ZFHX4: variants seen among roughly 807,000 people sequenced by gnomAD.
The protein encoded by ZFHX4 is zinc finger homeobox 4, also known as zinc finger homeobox protein 4.
In ZFHX4, 56 loss-of-function variants were observed where a neutral mutation model predicts 267.6. That is an observed-to-expected ratio of 0.21 (90% confidence interval 0.17 to 0.26). The LOEUF (loss-of-function observed/expected upper bound fraction) is 0.26, where lower values mean the gene tolerates loss of function less well. Among genes scored for constraint, ZFHX4 ranks in the 10% least tolerant of loss-of-function variants. ZFHX4 has a pLI of 1.00. For missense variants in ZFHX4, 4,332 were observed against 4,420.0 expected (o/e 0.98, Z 0.56); for synonymous variants, 1,778 against 1,665.6 (o/e 1.07, Z -1.64).
At chr8:76,703,858 A>C (rs556492372) in intron 1 of ZFHX4, among the ~76,000 whole-genome samples, 185 bp from the exon 2 acceptor site, 1 of 152,342 alleles carries the variant, frequency 6.6e-6, no homozygotes, top group East Asian at 1.9e-4. Context: ...TGTGATAGCT[A>C]TCTACATTAT....
chr8:76,706,525 C>T lies in ZFHX4; in HGVS notation c.2437C>T (p.Leu813Phe). ...KQIQHNLHLG[L>F]APAEAELYQY... Reference sequence around the variant, plus strand: ...GATCCAGCATAATCTGCACTTGGGCCTCGCCCCGGCGGAAGCAGAGCTTTA... The same window carrying T: ...GATCCAGCATAATCTGCACTTGGGCTTCGCCCCGGCGGAAGCAGAGCTTTA... Residue 813 changes from leucine to phenylalanine, a missense_variant, in exon 2 of 11, where the codon CTC (leucine) becomes TTC (phenylalanine). Around this residue, in one of 7 missense-constraint regions of ZFHX4, gnomAD observed 1,195 missense variants for 1,173.6 expected, o/e 1.02. Transcript: ENST00000651372. The T allele has an allele frequency of 1.2e-6, 2 of 1,613,596 alleles. No individual in the cohort carries two copies. Among genetic ancestry groups the T allele is most frequent in the Non-Finnish European group, 1.7e-6 (2 of 1,179,746 alleles).
In ZFHX4 at chr8:76,824,403, G is replaced by A. The variant is rs1384244991; in HGVS notation, c.3326-8935G>A. ...TTGTAGGCCTATATATTCTGAGATT[G>A]TTCGTATCTTCTCATCAAGTTTTTC... On this transcript the variant is annotated intron_variant, in intron 4 of 10. Transcript: ENST00000651372. Among the ~76,000 whole-genome samples the A allele has an allele frequency of 3.3e-5, 5 of 152,052 alleles. No individual in the cohort carries two copies. The East Asian group carries it at 9.7e-4, about 29-fold the overall frequency.
chr8:76,855,299 A>T lies in ZFHX4; in HGVS notation c.8378A>T (p.Tyr2793Phe), dbSNP rs775932696. The T allele has an allele frequency of 6.2e-7, 1 of 1,613,796 alleles. No homozygotes were observed. The highest frequency in any genetic ancestry group is 1.1e-5 in the South Asian group (1 of 91,062). ...AATGCCCCTCCTGCTGAGGCTGGGT[A>T]TGATCAAAATAAAACCGATTTTGAT... ...NLNAPPAEAG[Y>F]DQNKTDFDET... Residue 2793 changes from tyrosine to phenylalanine, a missense_variant, in exon 10 of 11, where the codon TAT (tyrosine) becomes TTT (phenylalanine). Around this residue, in one of 7 missense-constraint regions of ZFHX4, gnomAD observed 1,648 missense variants for 1,625.0 expected, o/e 1.01. Coordinates refer to ENST00000651372, the MANE Select transcript of ZFHX4 (RefSeq NM_024721.5).
chr8:76,718,141 G>A (rs1413905410), intron 3 of ZFHX4, among the ~76,000 whole-genome samples: 10 of 152,286 alleles, frequency 6.6e-5, no homozygotes, highest in African/African-American at 1.4e-4. Context: ...GAGTAACAGC[G>A]TAGGTGGTAT....
Position 76,705,462 on chromosome 8 carries a change from G to T in ZFHX4, c.1374G>T (p.Gly458=). The stretch of plus-strand genomic sequence containing the variant: ...AAAGCAACGTTTTACACCCAAACGG[G>T]GAGTGCCCTGTCAAAAGTGAACCCA... ...PKESNVLHPN[G]ECPVKSEPTE... Residue 458 remains glycine (G), a synonymous_variant, in exon 2 of 11, where the codon GGG becomes GGT. Transcript: ENST00000651372. 5 of 1,613,702 alleles carry T rather than the reference G, an allele frequency of 3.1e-6. No homozygotes were observed. The highest frequency in any genetic ancestry group is 4.2e-6 in the Non-Finnish European group (5 of 1,179,812).
chr8:76,750,133 C>T lies in ZFHX4; in HGVS notation c.3094-28075C>T, dbSNP rs149347220. ...GCTGTGTTGTTTTCAGAGATGCTGA[C>T]CTGTTAGTGATTAACCAAGATTAGG... On this transcript the variant is annotated intron_variant, in intron 3 of 10. Transcript: ENST00000651372. 3.3e-3 allele frequency among the ~76,000 whole-genome samples: 505 copies of T among 152,168 alleles called. 4 individuals carry two copies. The highest frequency in any genetic ancestry group is 0.012 in the African/African-American group (478 of 41,518).
At chr8:76,797,362 C>A (rs958761588) in intron 4 of ZFHX4, among the ~76,000 whole-genome samples, 1 of 152,076 alleles carries the variant, frequency 6.6e-6, no homozygotes, top group Non-Finnish European at 1.5e-5. Flanking sequence ...TATGTATAAC[C>A]ATAAGATCAC....
chr8:76,714,644 A>G (rs1166539954), intron 3 of ZFHX4, among the ~76,000 whole-genome samples: 3 of 152,220 alleles, frequency 2.0e-5, no homozygotes, highest in South Asian at 2.1e-4. Context: ...CAGAATACAC[A>G]GACGATATCT....
At chr8:76,758,573 C>A (rs777959218) in intron 3 of ZFHX4, among the ~76,000 whole-genome samples, 1 of 152,178 alleles carries the variant, frequency 6.6e-6, no homozygotes, top group Non-Finnish European at 1.5e-5. Flanking sequence ...CAGCTCACTG[C>A]AGCCTCGACC....
intron 3 of ZFHX4, among the ~76,000 whole-genome samples, chr8:76,757,851 C>A (rs1005124719): frequency 6.6e-6 from 1 of 152,100 alleles, no homozygotes; most frequent in Non-Finnish European, 1.5e-5. Flanking sequence ...AGTCTTAGTG[C>A]GTAGCAAGAG....
intron 3 of ZFHX4, among the ~76,000 whole-genome samples, chr8:76,757,121 A>G (rs554495806): frequency 6.6e-6 from 1 of 152,254 alleles, no homozygotes; most frequent in Admixed American, 6.5e-5. Context: ...AACTTTATTA[A>G]GTGACACTAG....
chr8:76,752,966 T>G (rs1809660564), intron 3 of ZFHX4, among the ~76,000 whole-genome samples: 1 of 152,200 alleles, frequency 6.6e-6, no homozygotes, highest in African/African-American at 2.4e-5. Context: ...TTTATTTTTG[T>G]TTTTGTGTTG....
At chr8:76,689,422 G>A (rs1253833288) in intron 1 of ZFHX4, among the ~76,000 whole-genome samples, 1 of 152,052 alleles carries the variant, frequency 6.6e-6, no homozygotes, top group Non-Finnish European at 1.5e-5. Context: ...CAGACAGAAA[G>A]CAGAATATGT....
intron 9 of ZFHX4, 89 bp from the exon 10 acceptor site, chr8:76,850,797 C>T (rs1382187798): frequency 2.2e-6 from 3 of 1,345,302 alleles, no homozygotes; most frequent in Admixed American, 3.0e-5. Context: ...AAGCAGAAGC[C>T]TTTAGAGGCT....
intron 6 of ZFHX4, among the ~76,000 whole-genome samples, chr8:76,847,245 T>TTTTTGATTCCAGAC (rs1169564788): frequency 1.3e-5 from 2 of 152,152 alleles, no homozygotes; most frequent in African/African-American, 4.8e-5. Flanking sequence ...AAACATATAT[T>TTTTTGATTCCAGAC]TTTTGATTCC....
In ZFHX4 at chr8:76,853,102, C is replaced by G; in HGVS notation, c.6181C>G (p.Pro2061Ala). 1 of 1,433,970 alleles carries G rather than the reference C, an allele frequency of 7.0e-7. No individual in the cohort carries two copies. Among genetic ancestry groups the G allele is most frequent in the Non-Finnish European group, 9.4e-7 (1 of 1,066,148 alleles). The allele number at this position is 1,433,970 out of a possible 1,614,324, so 88.8% of individuals were successfully genotyped here. A position where few individuals can be genotyped will look rare whatever the true frequency, so the allele number is the denominator to read the frequency against. The change falls in exon 10 of 11, where the codon CCT becomes GCT. Residue 2061 changes from proline to alanine, a missense_variant. Around this residue, in one of 7 missense-constraint regions of ZFHX4, gnomAD observed 1,371 missense variants for 1,423.1 expected, o/e 0.96. Transcript: ENST00000651372. The stretch of plus-strand genomic sequence containing the variant: ...TCCTCCTCCCCCCCCACCTCCTCCA[C>G]CTTCTGCTCCTCCACAGGTCCAACT... The part of the protein sequence containing the change: ...PPPPPPPPPP[P>A]SAPPQVQLPV...
At chr8:76,758,898 C>T (rs1473049708) in intron 3 of ZFHX4, among the ~76,000 whole-genome samples, 4 of 152,022 alleles carry the variant, frequency 2.6e-5, no homozygotes, top group Admixed American at 1.3e-4. Flanking sequence ...AACTGTTTTC[C>T]CCAGTCTTGA....
chr8:76,767,044 G>T (rs925677491), intron 3 of ZFHX4, among the ~76,000 whole-genome samples: 240 of 146,990 alleles, frequency 1.6e-3, no homozygotes, highest in African/African-American at 5.5e-3. Context: ...CTCATAAAGG[G>T]GTGTGTGTGT....
Position 76,863,714 on chromosome 8 carries a change from C to A in ZFHX4, c.10000C>A (p.Gln3334Lys), listed in dbSNP as rs1175238549. Reference sequence around the variant, plus strand: ...CCTGCAGGAGTCCCTGCAAAAGCAGCAAAAGCAACAGCAAGAACAGCAGCA... The same window carrying A: ...CCTGCAGGAGTCCCTGCAAAAGCAGAAAAAGCAACAGCAAGAACAGCAGCA... Reference protein sequence around the residue: ...QNLQESLQKQQKQQQEQQQKP... With the variant: ...QNLQESLQKQKKQQQEQQQKP... The change falls in exon 11 of 11, where the codon CAA (glutamine) becomes AAA (lysine). Residue 3334 changes from glutamine to lysine, a missense_variant. By Grantham distance (53) the Gln-to-Lys change is moderately conservative. Transcript: ENST00000651372. 6.4e-7 allele frequency: 1 copy of A among 1,567,318 alleles called. No homozygotes were observed. Among genetic ancestry groups the A allele is most frequent in the Non-Finnish European group, 8.7e-7 (1 of 1,155,630 alleles).
Sources: allele counts gnomAD v4.1 joint callset (sites outside exome capture counted in the v4.1 genomes callset), GRCh38; gene constraint gnomAD v4.1.1; regional missense constraint gnomAD v4.1.1; transcripts MANE v1.5; gene names NCBI Gene and HGNC (gene_info 2026-07-23, HGNC 2026-07-21).